RIMBP2: variants seen among roughly 807,000 people sequenced by gnomAD.
RIMBP2 encodes the protein RIMS-binding protein 2.
A neutral mutation model predicts 118.6 loss-of-function variants in RIMBP2; 48 were observed. The observed-to-expected ratio is 0.40, with a 90% CI of 0.32 to 0.51. The LOEUF is 0.51. Ranked by LOEUF, RIMBP2 falls within the 20% of genes least tolerant of loss-of-function variation. RIMBP2 has a pLI of 0.41. For missense variants in RIMBP2, 1,551 were observed against 1,768.3 expected, an observed-to-expected ratio of 0.88 and a Z score of 2.20; for synonymous variants, 762 against 742.9, an observed-to-expected ratio of 1.03 and a Z score of -0.42.
intron 17 of RIMBP2, among the ~76,000 whole-genome samples, chr12:130,418,438 ATGG>A (rs1334330217): frequency 6.6e-6 from 1 of 152,184 alleles, no homozygotes; most frequent in Non-Finnish European, 1.5e-5. Flanking sequence ...CCCAGGGATG[ATGG>A]TGGAGAACAG....
At position 130,446,518 on chromosome 12, in the gene RIMBP2, G is replaced by A. The variant is rs1005282106; in HGVS notation, c.582-1249C>T. Among the ~76,000 whole-genome samples the A allele has an allele frequency of 4.6e-5, 7 of 152,138 alleles. No individual in the cohort carries two copies. The East Asian group carries it at 1.2e-3, about 25-fold the overall frequency. On this transcript the variant is annotated intron_variant, in intron 9 of 22. Coordinates refer to ENST00000690449, the MANE Select transcript of RIMBP2 (RefSeq NM_001393629.1). This position sits in a 1 kb window ranked among gnomAD's most constrained non-coding sequence, Gnocchi z 4.1. The stretch of plus-strand genomic sequence containing the variant: ...AGGTCACGTGGCCCCTCATGGTCAG[G>A]GTGCAGAGGTCCAGGAACCCAATCC...
chr12:130,594,570 C>A (rs2059446916), intron 2 of RIMBP2, among the ~76,000 whole-genome samples: 1 of 151,842 alleles, frequency 6.6e-6, no homozygotes, highest in South Asian at 2.1e-4. Context: ...AAGAAAATTG[C>A]AAAAAAATCT....
At chr12:130,705,477 G>A (rs1247969278) in intron 1 of RIMBP2, among the ~76,000 whole-genome samples, 1 of 152,210 alleles carries the variant, frequency 6.6e-6, no homozygotes, top group African/African-American at 2.4e-5. Context: ...AGCCTCCTGG[G>A]GGAGAGGCTG....
rs2078237720 is a variant in RIMBP2 at position 130,442,817 on chromosome 12, C to T, written c.692-157G>A. ...TCCCAGGAGTCCATGCTGGGGCCAG[C>T]TCCACACCCACCATCTAAAGAGCCA... On this transcript the variant is annotated intron_variant, in intron 10 of 22. Transcript: ENST00000690449. This position sits in a 1 kb window ranked among gnomAD's most constrained non-coding sequence, Gnocchi z 6.9. Among the ~76,000 whole-genome samples, 1 of 152,170 alleles carries T rather than the reference C, an allele frequency of 6.6e-6. No individual in the cohort carries two copies. The highest frequency in any genetic ancestry group is 2.4e-5 in the African/African-American group (1 of 41,432).
At chr12:130,485,931 C>T (rs1416923370) in intron 4 of RIMBP2, among the ~76,000 whole-genome samples, 3 of 152,158 alleles carry the variant, frequency 2.0e-5, no homozygotes, top group Admixed American at 1.3e-4. Context: ...AAGGCGTGAG[C>T]GGGAGAAGCA....
intron 1 of RIMBP2, among the ~76,000 whole-genome samples, chr12:130,639,858 C>T (rs1423987777): frequency 6.6e-6 from 1 of 152,142 alleles, no homozygotes; most frequent in Non-Finnish European, 1.5e-5. Flanking sequence ...CCCCAGGAAA[C>T]GTAGTCAGGC....
chr12:130,418,654 A>C (rs2076241030), intron 17 of RIMBP2, among the ~76,000 whole-genome samples: 1 of 152,182 alleles, frequency 6.6e-6, no homozygotes, highest in African/African-American at 2.4e-5. Flanking sequence ...TGTGGCATCA[A>C]AACGTGCAGA....
intron 11 of RIMBP2, among the ~76,000 whole-genome samples, chr12:130,439,296 G>GGTGT (rs576016710): frequency 6.6e-6 from 1 of 151,466 alleles, no homozygotes; most frequent in African/African-American, 2.4e-5. Flanking sequence ...TGTATATGTG[G>GGTGT]GTGTGTGTGT....
intron 1 of RIMBP2, among the ~76,000 whole-genome samples, chr12:130,674,776 C>A (rs938309553): frequency 2.0e-5 from 3 of 152,110 alleles, no homozygotes; most frequent in Non-Finnish European, 4.4e-5. Flanking sequence ...CATTCCCCAC[C>A]CCCGCCCCTG....
In RIMBP2 at chr12:130,581,676, G is replaced by A. The variant is rs1463199885; in HGVS notation, c.-217+46646C>T. Among the ~76,000 whole-genome samples, 1 of 152,146 alleles carries A rather than the reference G, an allele frequency of 6.6e-6. No homozygotes were observed. Among genetic ancestry groups the A allele is most frequent in the East Asian group, 1.9e-4 (1 of 5,182 alleles). On this transcript the variant is annotated intron_variant, in intron 2 of 22. Coordinates refer to ENST00000690449, the MANE Select transcript of RIMBP2 (RefSeq NM_001393629.1). This position sits in a 1 kb window ranked among gnomAD's most constrained non-coding sequence, Gnocchi z 4.4. ...ACTTCAGGACATACCCGGAACGTAA[G>A]TACTTTCTCCACAGCTACTGCTATA...
At chr12:130,403,129 C>G (rs1020370828) in intron 21 of RIMBP2, among the ~76,000 whole-genome samples, 1 of 152,066 alleles carries the variant, frequency 6.6e-6, no homozygotes, top group African/African-American at 2.4e-5. Flanking sequence ...TTCGCTCTCT[C>G]GAGATGTTTA....
intron 1 of RIMBP2, among the ~76,000 whole-genome samples, chr12:130,695,360 A>G (rs1001919009): frequency 1.3e-5 from 2 of 152,194 alleles, no homozygotes; most frequent in African/African-American, 4.8e-5. Flanking sequence ...TTGATCTCCA[A>G]ATAAGTGACA....
In RIMBP2 at chr12:130,456,695, C is replaced by T. The variant is rs1463331056; in HGVS notation, c.159G>A (p.Lys53=). Residue 53 remains lysine (K), a synonymous_variant, in exon 7 of 23, where the codon AAG becomes AAA. Transcript: ENST00000690449. ...HEGAVRLLES[K]VRELEEKCRT... Reference sequence around the variant, plus strand: ...GGCATTTCTCTTCCAGCTCTCGAACCTTGGACTGCACGGCAGAAGCAGGAC... The same window carrying T: ...GGCATTTCTCTTCCAGCTCTCGAACTTTGGACTGCACGGCAGAAGCAGGAC... 1.2e-6 allele frequency: 2 copies of T among 1,601,842 alleles called. No individual in the cohort carries two copies. Among genetic ancestry groups the T allele is most frequent in the East Asian group, 4.5e-5 (2 of 44,562 alleles).
intron 2 of RIMBP2, among the ~76,000 whole-genome samples, chr12:130,562,083 T>C (rs906549101): frequency 6.6e-6 from 1 of 152,186 alleles, no homozygotes; most frequent in African/African-American, 2.4e-5. Context: ...AGGGGAGATA[T>C]ATCATCAATT....
chr12:130,532,771 T>G (rs1240374227), intron 2 of RIMBP2, among the ~76,000 whole-genome samples: 4 of 144,306 alleles, frequency 2.8e-5, no homozygotes, highest in African/African-American at 7.7e-5. Flanking sequence ...ATGCGTGTGT[T>G]CAGCCTCTAG....
chr12:130,642,426 A>C (rs1566417757), intron 1 of RIMBP2, among the ~76,000 whole-genome samples: 2 of 152,128 alleles, frequency 1.3e-5, no homozygotes, highest in Admixed American at 1.3e-4. Context: ...CTGGGACTAC[A>C]AGTGCCCGCT....
chr12:130,414,496 C>T, intron 17 of RIMBP2, 190 bp from the exon 18 acceptor site: 1 of 529,036 alleles, frequency 1.9e-6, no homozygotes, highest in East Asian at 3.3e-5. Context: ...CACATAACCA[C>T]AGCCACACTC....
intron 11 of RIMBP2, among the ~76,000 whole-genome samples, chr12:130,441,175 G>A (rs1172635330): frequency 6.6e-6 from 1 of 152,092 alleles, no homozygotes; most frequent in Non-Finnish European, 1.5e-5. Context: ...GGCTGAGGCA[G>A]GCAGATCACG....
chr12:130,481,667 G>C (rs374395917), intron 4 of RIMBP2, among the ~76,000 whole-genome samples: 1 of 152,204 alleles, frequency 6.6e-6, no homozygotes, highest in African/African-American at 2.4e-5. Flanking sequence ...CGGGTGTCGC[G>C]GTCAGTGGCC....
Sources: allele counts gnomAD v4.1 joint callset (sites outside exome capture counted in the v4.1 genomes callset), GRCh38; gene constraint gnomAD v4.1.1; non-coding constraint Gnocchi (gnomAD v3.1); transcripts MANE v1.5; gene names NCBI Gene and HGNC (gene_info 2026-07-23, HGNC 2026-07-21).